The following RELN variants were observed in gnomAD, a reference collection of about 807,000 sequenced individuals.
The protein encoded by RELN is reelin.
In RELN, 108 loss-of-function variants were observed where a neutral mutation model predicts 427.6. The ratio of observed to expected loss-of-function variants is 0.25; its 90% CI spans 0.22 to 0.30. The LOEUF is 0.30. Ranked by LOEUF, RELN falls within the 10% of genes least tolerant of loss-of-function variation. The probability of loss-of-function intolerance (pLI) is 1.00; values close to 1 mark genes in which losing one functional copy is unlikely to be tolerated. For missense variants in RELN, 3,715 were observed against 4,302.8 expected (o/e 0.86, Z 3.82); for synonymous variants, 1,524 against 1,513.4 (o/e 1.01, Z -0.16).
At chr7:103,627,079 G>A (rs1230704898) in intron 20 of RELN, among the ~76,000 whole-genome samples, 1 of 152,012 alleles carries the variant, frequency 6.6e-6, no homozygotes, top group Admixed American at 6.6e-5. Context: ...CTCATGGAAA[G>A]TCATGAGTTA....
At chr7:103,647,817 A>G (rs1373245024) in intron 16 of RELN, among the ~76,000 whole-genome samples, 1 of 152,174 alleles carries the variant, frequency 6.6e-6, no homozygotes, top group Non-Finnish European at 1.5e-5. Flanking sequence ...ACAAGACTAT[A>G]GTAAACAAAA....
chr7:103,574,353 A>T, intron 29 of RELN, 54 bp from the exon 30 acceptor site: 1 of 1,473,772 alleles, frequency 6.8e-7, no homozygotes, highest in Non-Finnish European at 9.5e-7. Flanking sequence ...ATTCAAAACG[A>T]GGTCTATTCA....
chr7:103,698,034 C>T lies in RELN; in HGVS notation c.962G>A (p.Gly321Glu). ...HILYLPEDAK[G>E]ENVQFQWKQE... is the part of the protein sequence containing the mutation. ...CTTCCACTGAAATTGGACATTCTCC[C>T]CTTTGGCGTCCTCAGGAAGGTAGAG... Residue 321 changes from glycine to glutamate, a missense_variant, in exon 10 of 65, where the codon GGG (glycine) becomes GAG (glutamate). Around this residue, in one of 4 missense-constraint regions of RELN, gnomAD observed 2,208 missense variants for 2,361.7 expected, o/e 0.93. Coordinates refer to ENST00000428762, the MANE Select transcript of RELN (RefSeq NM_005045.4). The T allele has an allele frequency of 6.2e-7, 1 of 1,613,788 alleles. No individual in the cohort carries two copies. The highest frequency in any genetic ancestry group is 8.5e-7 in the Non-Finnish European group (1 of 1,179,828).
chr7:103,543,219 T>G (rs1367476151), intron 42 of RELN, among the ~76,000 whole-genome samples: 2 of 152,216 alleles, frequency 1.3e-5, no homozygotes, highest in African/African-American at 2.4e-5. Flanking sequence ...AGGTGGGGGC[T>G]GTGTAGCCTT....
intron 1 of RELN, among the ~76,000 whole-genome samples, chr7:103,952,548 C>T (rs912810646): frequency 9.0e-5 from 13 of 144,418 alleles, no homozygotes; most frequent in African/African-American, 3.5e-4. Context: ...TACATACTCT[C>T]ACTCTTTCTC....
At chr7:103,477,935 C>T (rs1828093159) in intron 64 of RELN, among the ~76,000 whole-genome samples, 1 of 152,150 alleles carries the variant, frequency 6.6e-6, no homozygotes, top group Admixed American at 6.5e-5. Context: ...AGTCAAGGGA[C>T]CCTCATGCAT....
chr7:103,866,262 C>A (rs1025089720), intron 2 of RELN, among the ~76,000 whole-genome samples: 1 of 152,000 alleles, frequency 6.6e-6, no homozygotes, highest in Non-Finnish European at 1.5e-5. Context: ...TATAAAAGAG[C>A]ACTACAGCTT....
chr7:103,601,844 G>T (rs1194377395), intron 24 of RELN, among the ~76,000 whole-genome samples: 1 of 152,194 alleles, frequency 6.6e-6, no homozygotes, highest in Non-Finnish European at 1.5e-5. Context: ...TAGTGATTCT[G>T]GTTGGCACCT....
intron 22 of RELN, among the ~76,000 whole-genome samples, chr7:103,605,477 A>C (rs1314309179): frequency 1.3e-5 from 2 of 152,210 alleles, no homozygotes; most frequent in Non-Finnish European, 2.9e-5. Context: ...AGAGAAGTGG[A>C]TATTTTGAGA....
rs568381802 is a variant in RELN at position 103,866,960 on chromosome 7, T to C, written c.338-33288A>G. On this transcript the variant is annotated intron_variant, in intron 2 of 64. Transcript: ENST00000428762. ...TCATTAGCTATCCTATTTACTGCCC[T>C]AACAGATCAATACGTTTCAAGGATT... Among the ~76,000 whole-genome samples, 5 of 152,194 alleles carry C rather than the reference T, an allele frequency of 3.3e-5. No individual in the cohort carries two copies. The East Asian group carries it at 7.7e-4, about 24-fold the overall frequency.
intron 6 of RELN, among the ~76,000 whole-genome samples, chr7:103,745,023 A>G (rs1790780040): frequency 6.6e-6 from 1 of 152,254 alleles, no homozygotes; most frequent in Non-Finnish European, 1.5e-5. Flanking sequence ...TCAGTAAAAT[A>G]CTGGGAAACC....
chr7:103,619,819 T>C (rs1226820913), intron 20 of RELN, among the ~76,000 whole-genome samples: 1 of 152,040 alleles, frequency 6.6e-6, no homozygotes, highest in African/African-American at 2.4e-5. Flanking sequence ...TCCTCACAGC[T>C]CTTGTGGTGC....
intron 3 of RELN, among the ~76,000 whole-genome samples, chr7:103,787,740 A>G (rs1269927855): frequency 2.0e-5 from 3 of 152,214 alleles, no homozygotes; most frequent in African/African-American, 7.2e-5. Flanking sequence ...TTCACAGCCA[A>G]ATTCTACCAG....
chr7:103,522,235 C>T (rs982997413), intron 47 of RELN, 36 bp from the exon 48 acceptor site: 2 of 1,602,470 alleles, frequency 1.2e-6, no homozygotes, highest in African/African-American at 2.7e-5. Context: ...AAGTCAACAT[C>T]AGACAAAGCC....
At chr7:103,798,229 A>G (rs1792357728) in intron 3 of RELN, among the ~76,000 whole-genome samples, 1 of 152,200 alleles carries the variant, frequency 6.6e-6, no homozygotes, top group African/African-American at 2.4e-5. Context: ...CAATTTGAAA[A>G]CAAATATGTA....
At chr7:103,755,009 T>C (rs879827083) in intron 4 of RELN, among the ~76,000 whole-genome samples, 4 of 152,196 alleles carry the variant, frequency 2.6e-5, no homozygotes, top group Non-Finnish European at 5.9e-5. Context: ...GGAGTGTCTA[T>C]AGATGAACTC....
chr7:103,921,689 A>C (rs980534458), intron 1 of RELN, among the ~76,000 whole-genome samples: 8 of 152,172 alleles, frequency 5.3e-5, no homozygotes, highest in African/African-American at 1.4e-4. Flanking sequence ...TAAATCTTCA[A>C]TGTGGTTTCA....
intron 1 of RELN, among the ~76,000 whole-genome samples, chr7:103,985,817 C>G (rs74391387): frequency 6.6e-6 from 1 of 152,110 alleles, no homozygotes; most frequent in East Asian, 1.9e-4. Context: ...AGACTTCAAT[C>G]CAACCATCAC....
chr7:103,863,770 C>A lies in RELN; in HGVS notation c.338-30098G>T, dbSNP rs186734214. ...GAGGAAGTTTCACTCCAAGACCATACGATGGAATAACATCTTAAATTTCAC... is the reference window on the plus strand; with the variant it reads ...GAGGAAGTTTCACTCCAAGACCATAAGATGGAATAACATCTTAAATTTCAC... On this transcript the variant is annotated intron_variant, in intron 2 of 64. Transcript: ENST00000428762. 3.4e-4 allele frequency among the ~76,000 whole-genome samples: 51 copies of A among 151,786 alleles called. 1 individual carries two copies. The highest frequency in any genetic ancestry group is 1.1e-3 in the African/African-American group (47 of 41,384).
Sources: gnomAD v4.1 joint callset for allele counts (sites outside exome capture counted in the v4.1 genomes callset) on GRCh38, gnomAD v4.1.1 for gene constraint, gnomAD v4.1.1 regional missense constraint, MANE v1.5 for transcripts, NCBI Gene and HGNC (gene_info 2026-07-23, HGNC 2026-07-21) for gene names.